GNG4: variants seen among roughly 807,000 people sequenced by gnomAD.
GNG4 encodes G protein subunit gamma 4, also known as guanine nucleotide-binding protein G(I)/G(S)/G(O) subunit gamma-4.
In GNG4, 4 loss-of-function variants were observed where a neutral mutation model predicts 5.8. The observed-to-expected ratio is 0.69, with a 90% confidence interval of 0.34 to 1.57. The LOEUF (loss-of-function observed/expected upper bound fraction) is 1.57. Ranked by LOEUF, GNG4 falls within the 40% of genes most tolerant of loss-of-function variation. The pLI is 0.06. For synonymous variants in GNG4, 29 were observed against 32.9 expected (o/e 0.88, Z 0.41); for missense variants, 96 against 95.1 (o/e 1.01, Z -0.04).
intron 1 of GNG4, among the ~76,000 whole-genome samples, chr1:235,616,903 T>G (rs1056769385): frequency 2.5e-5 from 3 of 122,270 alleles, no homozygotes; most frequent in Non-Finnish European, 4.7e-5. Flanking sequence ...CACACCTGGC[T>G]AATTTTTTTT....
At chr1:235,617,901 A>T (rs1363091529) in intron 1 of GNG4, among the ~76,000 whole-genome samples, 1 of 151,300 alleles carries the variant, frequency 6.6e-6, no homozygotes, top group Non-Finnish European at 1.5e-5. Context: ...AAAAAAAAAA[A>T]AAAAAAAGAA....
At chr1:235,635,195 C>T (rs965779604) in intron 1 of GNG4, among the ~76,000 whole-genome samples, 1 of 152,120 alleles carries the variant, frequency 6.6e-6, no homozygotes, top group African/African-American at 2.4e-5. Context: ...CAGTCTCTTA[C>T]AGCCTCTTAT....
chr1:235,585,414 A>AC (rs1180779872), intron 2 of GNG4, among the ~76,000 whole-genome samples: 1 of 151,802 alleles, frequency 6.6e-6, no homozygotes, highest in African/African-American at 2.4e-5. Flanking sequence ...TAATTAAAAA[A>AC]TTTTTTTTTG....
chr1:235,646,940 G>C (rs1657525734), intron 1 of GNG4, among the ~76,000 whole-genome samples: 1 of 152,102 alleles, frequency 6.6e-6, no homozygotes, highest in Non-Finnish European at 1.5e-5. Flanking sequence ...AATTTCATTT[G>C]TGTTTTTACT....
At chr1:235,594,985 C>G (rs1219246185) in intron 2 of GNG4, among the ~76,000 whole-genome samples, 1 of 152,200 alleles carries the variant, frequency 6.6e-6, no homozygotes, top group African/African-American at 2.4e-5. Flanking sequence ...GCAGCTTAAA[C>G]TGCGAGTGGG....
chr1:235,601,501 T>C (rs1043311735), intron 1 of GNG4, among the ~76,000 whole-genome samples: 1 of 152,134 alleles, frequency 6.6e-6, no homozygotes, highest in African/African-American at 2.4e-5. Flanking sequence ...AGCCGTAAGA[T>C]GGAATGAGAC....
chr1:235,570,923 T>TACACATATACACAC (rs374579255), intron 3 of GNG4, among the ~76,000 whole-genome samples: 4 of 97,348 alleles, frequency 4.1e-5, no homozygotes, highest in African/African-American at 1.2e-4. Flanking sequence ...CATATATATA[T>TACACATATACACAC]ACACACACAC....
intron 1 of GNG4, among the ~76,000 whole-genome samples, chr1:235,621,297 CTTTT>C (rs1220366662): frequency 1.4e-5 from 1 of 72,044 alleles, no homozygotes; most frequent in Non-Finnish European, 2.9e-5. Context: ...CTTTTCTTTT[CTTTT>C]TTTTTTTTGA....
In GNG4 at chr1:235,597,588, C is replaced by CTCTGTGTGTG. The variant is rs1553369027; in HGVS notation, c.-122-2078_-122-2077insCACACACAGA. Among the ~76,000 whole-genome samples, 188 of 74,258 alleles carry CTCTGTGTGTG rather than the reference C, an allele frequency of 2.5e-3. 6 individuals carry two copies. The highest frequency in any genetic ancestry group is 3.5e-3 in the African/African-American group (66 of 19,106). The allele number at this position is 74,258 out of a possible 152,430, so 48.7% of individuals were successfully genotyped here. On this transcript the variant is annotated intron_variant, in intron 1 of 3. Coordinates refer to ENST00000391854, the MANE Select transcript of GNG4 (RefSeq NM_001098722.2). The stretch of plus-strand genomic sequence containing the variant: ...TTTGTTTTTTTTTTTAACTTGTTTG[C>CTCTGTGTGTG]TGTGTGTGTGTGTGTGTGTGTGTGT...
intron 3 of GNG4, among the ~76,000 whole-genome samples, chr1:235,553,804 G>C: frequency 6.6e-6 from 1 of 152,220 alleles, no homozygotes; most frequent in East Asian, 1.9e-4. Flanking sequence ...TAAGCTAGCT[G>C]TGTGACCTTG....
At chr1:235,572,500 T>C (rs1343517717) in intron 3 of GNG4, among the ~76,000 whole-genome samples, 2 of 67,198 alleles carry the variant, frequency 3.0e-5, no homozygotes, top group Non-Finnish European at 5.0e-5. Context: ...GTGCTCTTTT[T>C]TTTTTTTCTT....
chr1:235,599,291 T>TG (rs1461449860), intron 1 of GNG4, among the ~76,000 whole-genome samples: 4 of 150,098 alleles, frequency 2.7e-5, no homozygotes, highest in African/African-American at 9.9e-5. Context: ...CTGCGGGTTT[T>TG]TTTGTTGTCG....
intron 1 of GNG4, among the ~76,000 whole-genome samples, chr1:235,611,080 T>C (rs1688466797): frequency 6.6e-6 from 1 of 151,992 alleles, no homozygotes; most frequent in Non-Finnish European, 1.5e-5. Context: ...AGAGCGAGAC[T>C]TCATCTCAAA....
chr1:235,600,953 A>G (rs1288026844), intron 1 of GNG4, among the ~76,000 whole-genome samples: 1 of 152,240 alleles, frequency 6.6e-6, no homozygotes, highest in Non-Finnish European at 1.5e-5. Context: ...GGCACGCCGT[A>G]GCCAGTCCCT....
chr1:235,606,057 C>T (rs1190311818), intron 1 of GNG4, among the ~76,000 whole-genome samples: 2 of 151,866 alleles, frequency 1.3e-5, no homozygotes, highest in South Asian at 2.1e-4. Context: ...TATAGGCGTA[C>T]CACCATGCTC....
chr1:235,578,940 T>C (rs1231760772), intron 3 of GNG4, among the ~76,000 whole-genome samples: 1 of 151,866 alleles, frequency 6.6e-6, no homozygotes, highest in Admixed American at 6.6e-5. Context: ...CTACTAATAA[T>C]ACAAAAATTA....
chr1:235,564,382 C>T (rs1320459670), intron 3 of GNG4, among the ~76,000 whole-genome samples: 1 of 152,134 alleles, frequency 6.6e-6, no homozygotes, highest in East Asian at 1.9e-4. Context: ...CTACTGACAT[C>T]CAATTTACCC....
intron 1 of GNG4, among the ~76,000 whole-genome samples, chr1:235,641,417 A>G (rs1657324759): frequency 6.6e-6 from 1 of 151,492 alleles, no homozygotes; most frequent in African/African-American, 2.4e-5. Flanking sequence ...TCGGCGGGGC[A>G]CAGTGGCTCA....
intron 1 of GNG4, among the ~76,000 whole-genome samples, chr1:235,630,295 A>T (rs1688905197): frequency 6.6e-6 from 1 of 152,210 alleles, no homozygotes; most frequent in Non-Finnish European, 1.5e-5. Flanking sequence ...ACTATTTCAG[A>T]AAGGTCCCCA....
Sources: allele counts gnomAD v4.1 joint callset (sites outside exome capture counted in the v4.1 genomes callset), GRCh38; gene constraint gnomAD v4.1.1; transcripts MANE v1.5; gene names NCBI Gene and HGNC (gene_info 2026-07-23, HGNC 2026-07-21).